The following MTMR4 variants were observed in gnomAD, a reference collection of about 807,000 sequenced individuals.
MTMR4 encodes the protein myotubularin related protein 4, also known as phosphatidylinositol-3,5-bisphosphate 3-phosphatase MTMR4.
Under a neutral mutation model 125.5 loss-of-function variants are expected in MTMR4, and 30 were observed. The ratio of observed to expected loss-of-function variants is 0.24; its 90% CI spans 0.18 to 0.32. The LOEUF (loss-of-function observed/expected upper bound fraction) is 0.32, where lower values mean the gene tolerates loss of function less well. Ranked by LOEUF, MTMR4 falls within the 10% of genes least tolerant of loss-of-function variation. The pLI is 1.00. For synonymous variants in MTMR4, 498 were observed against 564.5 expected, an observed-to-expected ratio of 0.88 and a Z score of 1.67; for missense variants, 1,039 against 1,511.5, an observed-to-expected ratio of 0.69 and a Z score of 5.18.
rs1975829344 is a variant in MTMR4 at position 58,508,287 on chromosome 17, C to T, written c.594-13G>A. ...ACTGGGGCACAATCTGAGAAGAGAC[C>T]AGGTGGGGGTCACTGCACTGGGTCT... On this transcript the variant is annotated splice_polypyrimidine_tract_variant and intron_variant, in intron 6 of 17. Coordinates refer to ENST00000682306, the MANE Select transcript of MTMR4 (RefSeq NM_001378067.1). The surrounding 1 kb of genome is among the most constrained non-coding windows in gnomAD (Gnocchi z 4.8). 1 of 1,610,214 alleles carries T rather than the reference C, an allele frequency of 6.2e-7. No homozygotes were observed. Among genetic ancestry groups the T allele is most frequent in the Non-Finnish European group, 8.5e-7 (1 of 1,176,516 alleles).
intron 17 of MTMR4, 90 bp downstream of exon 17, chr17:58,492,421 G>A (rs543326460): frequency 2.0e-5 from 22 of 1,112,842 alleles, no homozygotes; most frequent in Admixed American, 1.4e-4. Context: ...CGCCTGCCTC[G>A]GCCTCCCAAG....
Position 58,495,073 on chromosome 17 carries a change from A to T in MTMR4, c.3111T>A (p.His1037Gln). 6.2e-7 allele frequency: 1 copy of T among 1,614,190 alleles called. No individual in the cohort carries two copies. The highest frequency in any genetic ancestry group is 8.5e-7 in the Non-Finnish European group (1 of 1,180,032). The change falls in exon 15 of 18, where the codon CAT (histidine) becomes CAA (glutamine). Residue 1037 changes from histidine (H) to glutamine (Q), a missense_variant. Physicochemically the swap from His to Gln is conservative, Grantham distance 24 (BLOSUM62 0). Coordinates refer to ENST00000682306, the MANE Select transcript of MTMR4 (RefSeq NM_001378067.1). Reference protein sequence around the residue: ...GLPFPTDVIQHRLRQIEAGYK... With the variant: ...GLPFPTDVIQQRLRQIEAGYK... ...ACCCTGCTTCGATTTGCCGTAACCTATGCTGGATCACATCCGTGGGAAAGG... is the reference window on the plus strand; with the variant it reads ...ACCCTGCTTCGATTTGCCGTAACCTTTGCTGGATCACATCCGTGGGAAAGG...
At chr17:58,491,976 G>A in intron 17 of MTMR4, 136 bp from the exon 18 acceptor site, 1 of 578,468 alleles carries the variant, frequency 1.7e-6, no homozygotes, top group African/African-American at 1.9e-5. Flanking sequence ...TTTGAGACTT[G>A]CCTGAGCAAC....
At chr17:58,507,957 T>TA (rs1251533340) in intron 7 of MTMR4, 4 of 479,990 alleles carry the variant, frequency 8.3e-6, no homozygotes, top group East Asian at 4.0e-5. Flanking sequence ...ACACACACTC[T>TA]AAAAAAAGGG....
chr17:58,502,212 C>T (rs1160716874), intron 14 of MTMR4, among the ~76,000 whole-genome samples: 5 of 143,906 alleles, frequency 3.5e-5, no homozygotes, highest in African/African-American at 5.2e-5. Context: ...GGCTGGAGTG[C>T]GTGGCGTGAT....
upstream of MTMR4, chr17:58,516,671 A>G (rs1440714007): frequency 3.3e-5 from 49 of 1,501,646 alleles, no homozygotes; most frequent in Non-Finnish European, 4.2e-5. Flanking sequence ...ACATTACCAT[A>G]GAATCAACAA....
At position 58,508,136 on chromosome 17, in the gene MTMR4, C is replaced by A; in HGVS notation, c.707+25G>T. 1 of 1,582,054 alleles carries A rather than the reference C, an allele frequency of 6.3e-7. No individual in the cohort carries two copies. The highest frequency in any genetic ancestry group is 1.1e-5 in the South Asian group (1 of 89,956). On this transcript the variant is annotated intron_variant, in intron 7 of 17. Coordinates refer to ENST00000682306, the MANE Select transcript of MTMR4 (RefSeq NM_001378067.1). The surrounding 1 kb of genome is among the most constrained non-coding windows in gnomAD (Gnocchi z 4.8). The stretch of plus-strand genomic sequence containing the variant: ...CCTTGTTGCATAAGAAATGGCCTCC[C>A]TACTTCCCAGCCCCACTGCCTCACC...
intron 4 of MTMR4, among the ~76,000 whole-genome samples, chr17:58,509,211 C>T (rs1267968350): frequency 6.6e-6 from 1 of 151,812 alleles, no homozygotes; most frequent in Non-Finnish European, 1.5e-5. Flanking sequence ...CCTTCTGCTT[C>T]AGGCGGGAAG....
At position 58,495,181 on chromosome 17, in the gene MTMR4, T is replaced by C. The variant is rs1393791687; in HGVS notation, c.3003A>G (p.Pro1001=). The change falls in exon 15 of 18, where the codon CCA becomes CCG. Residue 1001 remains proline, a synonymous_variant. Coordinates refer to ENST00000682306, the MANE Select transcript of MTMR4 (RefSeq NM_001378067.1). ...GKNQMWLSSH[P]KQVSSTKPVP... ...CGGGCTTTGTGCTAGAGACTTGCTT[T>C]GGATGACTGGACAACCACATCTGGT... 8.7e-6 allele frequency: 14 copies of C among 1,614,246 alleles called. No homozygotes were observed. The highest frequency in any genetic ancestry group is 1.0e-5 in the Non-Finnish European group (12 of 1,180,042).
chr17:58,503,124 C>T (rs1312332271), intron 14 of MTMR4, among the ~76,000 whole-genome samples: 2 of 152,172 alleles, frequency 1.3e-5, no homozygotes, highest in African/African-American at 4.8e-5. Context: ...TGCCCTGTAC[C>T]AGTGAACAAA....
intron 14 of MTMR4, 78 bp downstream of exon 14, chr17:58,503,664 AAG>A: frequency 2.7e-6 from 4 of 1,473,062 alleles, no homozygotes; most frequent in South Asian, 1.4e-5. Context: ...AAAAGAAAGA[AAG>A]AGAACATTTA....
Position 58,514,598 on chromosome 17 carries a change from G to A in MTMR4, c.-191C>T, listed in dbSNP as rs1976034166. The A allele has an allele frequency of 1.0e-6, 1 of 985,254 alleles. No homozygotes were observed. Among genetic ancestry groups the A allele is most frequent in the African/African-American group, 1.7e-5 (1 of 57,320 alleles). 61.0% of individuals were successfully genotyped at this position (985,254 alleles called of 1,614,324 possible). A position where few individuals can be genotyped will look rare whatever the true frequency, so the allele number is the denominator to read the frequency against. On this transcript the variant is annotated 5_prime_UTR_variant, in exon 1 of 18. Coordinates refer to ENST00000682306, the MANE Select transcript of MTMR4 (RefSeq NM_001378067.1). ...CTCCCCTCCTCTCCACAATGGAGCG[G>A]GCCCAGCTCCGCCCTCCCGCACGAG...
rs201265445 is a variant in MTMR4, at chr17:58,512,887, G to T, written c.100C>A (p.Pro34Thr). Residue 34 changes from proline (P) to threonine (T), a missense_variant, in exon 2 of 18, where the codon CCC (proline) becomes ACC (threonine). Around this residue, in one of 6 missense-constraint regions of MTMR4, gnomAD observed 202 missense variants for 311.9 expected, o/e 0.65. Transcript: ENST00000682306. The surrounding 1 kb of genome is among the most constrained non-coding windows in gnomAD (Gnocchi z 4.1). ...EYIQAKDLFP[P>T]KELVKEEENL... ...TCTTCCTCCTTCACTAGTTCCTTGG[G>T]GGGGAACAGATCCTTGGCTTGGATG... 3.2e-5 allele frequency: 51 copies of T among 1,612,556 alleles called. 1 individual carries two copies. The highest frequency in any genetic ancestry group is 1.6e-4 in the Middle Eastern group (1 of 6,070).
chr17:58,492,804 C>T (rs965526497), intron 16 of MTMR4, 38 bp downstream of exon 16: 2 of 1,554,184 alleles, frequency 1.3e-6, no homozygotes, highest in Non-Finnish European at 1.8e-6. Context: ...GACTCACTGG[C>T]TCACGTAAGT....
At position 58,496,057 on chromosome 17, in the gene MTMR4, G is replaced by A. The variant is rs990073636; in HGVS notation, c.2127C>T (p.His709=). The change falls in exon 15 of 18, where the codon CAC becomes CAT. Residue 709 remains histidine, a synonymous_variant. Transcript: ENST00000682306. ...GTTTGTAACTTGGAGAACAGCTTTT[G>A]TGACTCTTGAAAGGTTTATTGCTCA... is the stretch of plus-strand genomic sequence containing the variant. ...DYLSNKPFKS[H]KSCSPSYKLL... 1 of 1,614,054 alleles carries A rather than the reference G, an allele frequency of 6.2e-7. No homozygotes were observed. The highest frequency in any genetic ancestry group is 1.3e-5 in the African/African-American group (1 of 74,926).
At chr17:58,509,631 G>C (rs910290983) in intron 4 of MTMR4, among the ~76,000 whole-genome samples, 3 of 151,702 alleles carry the variant, frequency 2.0e-5, no homozygotes, top group Admixed American at 2.0e-4. Flanking sequence ...TGTTGTCCAG[G>C]CTGATCTTGA....
In MTMR4 at chr17:58,508,643, T is replaced by TA; in HGVS notation, c.496+37dup. Reference sequence around the variant, plus strand: ...TGGAGGAGGGATGAGAACTAAGGGGTAAGAAGCAGCCTCCCAAAGAAAATA... The same window carrying TA: ...TGGAGGAGGGATGAGAACTAAGGGGTAAAGAAGCAGCCTCCCAAAGAAAATA... On this transcript the variant is annotated intron_variant, in intron 5 of 17. Transcript: ENST00000682306. The surrounding 1 kb of genome is among the most constrained non-coding windows in gnomAD (Gnocchi z 4.8). 2 of 1,613,404 alleles carry TA rather than the reference T, an allele frequency of 1.2e-6. No individual in the cohort carries two copies. Among genetic ancestry groups the TA allele is most frequent in the Non-Finnish European group, 1.7e-6 (2 of 1,179,464 alleles).
At position 58,504,791 on chromosome 17, in the gene MTMR4, G is replaced by A; in HGVS notation, c.1329C>T (p.Tyr443=). Residue 443 remains tyrosine, a synonymous_variant, in exon 11 of 18, where the codon TAC becomes TAT. Coordinates refer to ENST00000682306, the MANE Select transcript of MTMR4 (RefSeq NM_001378067.1). This position sits in a 1 kb window ranked among gnomAD's most constrained non-coding sequence, Gnocchi z 7.1. Reference sequence around the variant, plus strand: ...TTCCTCTCAATACCTCCAACGTCCTGTAATATGGGTCCAGTAATATTTTGG... The same window carrying A: ...TTCCTCTCAATACCTCCAACGTCCTATAATATGGGTCCAGTAATATTTTGG... ...ALAKILLDPY[Y]RTLEGFQVLV... 1 of 1,605,676 alleles carries A rather than the reference G, an allele frequency of 6.2e-7. No individual in the cohort carries two copies. Among genetic ancestry groups the A allele is most frequent in the Non-Finnish European group, 8.5e-7 (1 of 1,175,514 alleles).
chr17:58,509,070 C>T, intron 4 of MTMR4, among the ~76,000 whole-genome samples: 1 of 152,176 alleles, frequency 6.6e-6, no homozygotes, highest in Admixed American at 6.5e-5. Flanking sequence ...TTGAGGCATA[C>T]TTATCCTCTC....
Sources: allele counts gnomAD v4.1 joint callset (sites outside exome capture counted in the v4.1 genomes callset), GRCh38; gene constraint gnomAD v4.1.1; regional missense constraint gnomAD v4.1.1; non-coding constraint Gnocchi (gnomAD v3.1); transcripts MANE v1.5; gene names NCBI Gene and HGNC (gene_info 2026-07-23, HGNC 2026-07-21).